The following PDE11A variants were observed in gnomAD, a reference collection of about 807,000 sequenced individuals.
PDE11A encodes phosphodiesterase 11A.
In PDE11A, 100 loss-of-function variants were observed where a neutral mutation model predicts 100.5. The ratio of observed to expected loss-of-function variants is 1.00; its 90% CI spans 0.85 to 1.18. PDE11A has a LOEUF of 1.18. PDE11A is among the 50% of genes most tolerant of loss of function. The pLI, the probability that PDE11A is intolerant of heterozygous loss-of-function variation, is 0.00. For missense variants in PDE11A, 1,141 were observed against 1,152.6 expected (o/e 0.99, Z 0.15); for synonymous variants, 381 against 420.8 (o/e 0.91, Z 1.16).
intron 12 of PDE11A, among the ~76,000 whole-genome samples, chr2:177,722,228 T>C (rs2081539769): frequency 6.6e-6 from 1 of 152,228 alleles, no homozygotes; most frequent in African/African-American, 2.4e-5. Context: ...GAGGTTATAC[T>C]TTCCCTGTAA....
At chr2:177,671,124 C>A (rs2080672726) in intron 17 of PDE11A, among the ~76,000 whole-genome samples, 1 of 152,158 alleles carries the variant, frequency 6.6e-6, no homozygotes, top group Admixed American at 6.5e-5. Flanking sequence ...TAAGCTAGGT[C>A]TTTTGCATTA....
chr2:178,030,419 ATCC>A (rs1412779703), intron 1 of PDE11A, among the ~76,000 whole-genome samples: 5 of 152,214 alleles, frequency 3.3e-5, no homozygotes, highest in Admixed American at 1.3e-4. Flanking sequence ...ATACACACAC[ATCC>A]TCAGATCCAG....
intron 15 of PDE11A, among the ~76,000 whole-genome samples, chr2:177,691,784 C>G (rs4893982): frequency 0.68 from 103,758 of 151,906 alleles, 38,769 homozygotes; most frequent in East Asian, 0.82. Context: ...CTAACCCATG[C>G]TTGGGGGCCA....
At chr2:178,005,087 T>C (rs889913320) in intron 2 of PDE11A, among the ~76,000 whole-genome samples, 2 of 151,590 alleles carry the variant, frequency 1.3e-5, no homozygotes, top group Admixed American at 6.6e-5. Flanking sequence ...GAAAAATAAA[T>C]GAACTCAGTA....
chr2:177,988,017 C>T (rs1350321823), intron 2 of PDE11A, among the ~76,000 whole-genome samples: 5 of 152,160 alleles, frequency 3.3e-5, no homozygotes, highest in African/African-American at 1.2e-4. Flanking sequence ...TCACTGAGTA[C>T]CACCATTGCC....
In PDE11A at chr2:178,052,919, A is replaced by G. The variant is rs550489723; in HGVS notation, c.912+18607T>C. 7.4e-4 allele frequency among the ~76,000 whole-genome samples: 112 copies of G among 152,242 alleles called. 1 individual carries two copies. Among genetic ancestry groups the G allele is most frequent in the Admixed American group, 3.0e-3 (46 of 15,278 alleles). ...TCCAGGACCAGACGGATTCACAGCCAAATTCTACCAGAGGTACAAAGAGGA... is the reference window on the plus strand; with the variant it reads ...TCCAGGACCAGACGGATTCACAGCCGAATTCTACCAGAGGTACAAAGAGGA... On this transcript the variant is annotated intron_variant, in intron 1 of 19. Coordinates refer to ENST00000286063, the MANE Select transcript of PDE11A (RefSeq NM_016953.4).
At chr2:177,944,328 A>G (rs1322342480) in intron 2 of PDE11A, among the ~76,000 whole-genome samples, 1 of 152,228 alleles carries the variant, frequency 6.6e-6, no homozygotes, top group Non-Finnish European at 1.5e-5. Context: ...CAAAAACCAA[A>G]TAACCAATAA....
chr2:177,830,959 A>G (rs1349575475), intron 6 of PDE11A, among the ~76,000 whole-genome samples: 1 of 152,210 alleles, frequency 6.6e-6, no homozygotes, highest in Non-Finnish European at 1.5e-5. Context: ...TCACAAATGT[A>G]GTTCTAGCTC....
chr2:177,988,721 G>A (rs2085968592), intron 2 of PDE11A, among the ~76,000 whole-genome samples: 1 of 152,160 alleles, frequency 6.6e-6, no homozygotes, highest in African/African-American at 2.4e-5. Flanking sequence ...TCTCTTCACT[G>A]TCTGTGGCAC....
At chr2:178,039,146 C>A (rs1206614184) in intron 1 of PDE11A, 1 of 152,080 alleles carries the variant, frequency 6.6e-6, no homozygotes, top group East Asian at 1.9e-4. Context: ...AAGGAATCAA[C>A]CTAAACGCCC....
intron 10 of PDE11A, among the ~76,000 whole-genome samples, chr2:177,758,795 C>T (rs958548131): frequency 1.3e-5 from 2 of 152,220 alleles, no homozygotes; most frequent in African/African-American, 4.8e-5. Flanking sequence ...GGGCCTTACA[C>T]AGGCTTTGTT....
chr2:177,877,910 G>A (rs567915702), intron 4 of PDE11A, among the ~76,000 whole-genome samples: 1 of 152,154 alleles, frequency 6.6e-6, no homozygotes, highest in Non-Finnish European at 1.5e-5. Context: ...GCCGTACGCA[G>A]TCATGCTTCA....
chr2:177,918,176 G>A (rs1437023622), intron 2 of PDE11A, among the ~76,000 whole-genome samples: 1 of 152,144 alleles, frequency 6.6e-6, no homozygotes, highest in African/African-American at 2.4e-5. Context: ...ATAGCAGAGG[G>A]GAAACTGTCT....
At chr2:177,864,616 A>G (rs1465226448) in intron 5 of PDE11A, among the ~76,000 whole-genome samples, 1 of 152,214 alleles carries the variant, frequency 6.6e-6, no homozygotes, top group African/African-American at 2.4e-5. Flanking sequence ...GTGAAAAACA[A>G]AGAGACAAAT....
intron 1 of PDE11A, among the ~76,000 whole-genome samples, chr2:178,071,254 T>C (rs1426858533): frequency 6.6e-6 from 1 of 152,122 alleles, no homozygotes. Context: ...AGCCAAAGTG[T>C]CAGTGTTAAA....
At chr2:177,998,051 A>C (rs1224390963) in intron 2 of PDE11A, 1 of 1,279,626 alleles carries the variant, frequency 7.8e-7, no homozygotes, top group Non-Finnish European at 1.1e-6. Flanking sequence ...TGCTGAGTGC[A>C]CTGTAAGAGC....
At chr2:178,080,599 T>C (rs1467320055) in intron 2 of PDE11A, among the ~76,000 whole-genome samples, 1 of 152,216 alleles carries the variant, frequency 6.6e-6, no homozygotes, top group East Asian at 1.9e-4. Context: ...CTGATGCCTT[T>C]CTTCTTAATT....
At chr2:177,797,453 T>C (rs1444293171) in intron 9 of PDE11A, among the ~76,000 whole-genome samples, 1 of 152,138 alleles carries the variant, frequency 6.6e-6, no homozygotes, top group Non-Finnish European at 1.5e-5. Flanking sequence ...TTCAATAAAA[T>C]ACATATGCAA....
rs748487159 is a variant in PDE11A, at chr2:177,697,371, T to G, written c.2306A>C (p.Lys769Thr). The change falls in exon 15 of 20, where the codon AAG (lysine) becomes ACG (threonine). Residue 769 changes from lysine (K) to threonine (T), a missense_variant. Physicochemically the swap from Lys to Thr is moderately conservative, Grantham distance 78. Coordinates refer to ENST00000286063, the MANE Select transcript of PDE11A (RefSeq NM_016953.4). Reference sequence around the variant, plus strand: ...GAGGTCTGTTGCCAATATTGACTGCTTCAAAAGCTGCATAAGGTCACTATA... The same window carrying G: ...GAGGTCTGTTGCCAATATTGACTGCGTCAAAAGCTGCATAAGGTCACTATA... ...KEYSDLMQLL[K>T]QSILATDLTL... The G allele has an allele frequency of 5.6e-6, 9 of 1,602,378 alleles. No individual in the cohort carries two copies. The African/African-American group carries it at 1.2e-4, about 21-fold the overall frequency.
Sources: allele counts gnomAD v4.1 joint callset (sites outside exome capture counted in the v4.1 genomes callset), GRCh38; gene constraint gnomAD v4.1.1; transcripts MANE v1.5; gene names NCBI Gene and HGNC (gene_info 2026-07-23, HGNC 2026-07-21).